Variants in TVP23C observed in about 807,000 individuals in gnomAD.
TVP23C encodes Golgi apparatus membrane protein TVP23 homolog C.
A neutral mutation model predicts 28.7 loss-of-function variants in TVP23C; 19 were observed. The ratio of observed to expected loss-of-function variants is 0.66; its 90% confidence interval spans 0.46 to 0.97. The LOEUF (loss-of-function observed/expected upper bound fraction) is 0.97. Ranked by LOEUF, TVP23C falls within the 50% of genes least tolerant of loss-of-function variation. The probability of loss-of-function intolerance (pLI) is 0.00; values close to 1 mark genes in which losing one functional copy is unlikely to be tolerated. For synonymous variants in TVP23C, 68 were observed against 81.7 expected, an observed-to-expected ratio of 0.83 and a Z score of 0.90; for missense variants, 186 against 241.3, an observed-to-expected ratio of 0.77 and a Z score of 1.52.
chr17:15,533,916 CA>C (rs1390251908), downstream of TVP23C, among the ~76,000 whole-genome samples: 2 of 152,178 alleles, frequency 1.3e-5, no homozygotes, highest in African/African-American at 2.4e-5. Flanking sequence ...AGCCAAGAGA[CA>C]AGAATGTTTG....
intron 5 of TVP23C, among the ~76,000 whole-genome samples, chr17:15,511,077 G>C (rs116403609): frequency 0.14 from 16,030 of 114,462 alleles, 1,069 homozygotes; most frequent in Middle Eastern, 0.24. Context: ...AAAAAAAAAA[G>C]ATAATGGAAG....
chr17:15,517,725 C>G (rs1982292069), intron 5 of TVP23C, among the ~76,000 whole-genome samples: 1 of 152,152 alleles, frequency 6.6e-6, no homozygotes, highest in African/African-American at 2.4e-5. Flanking sequence ...CCACCCTAAA[C>G]AGGAGGAAGC....
At chr17:15,503,673 GA>G (rs1981593436) in intron 5 of TVP23C, 1 of 153,470 alleles carries the variant, frequency 6.5e-6, no homozygotes, top group Non-Finnish European at 1.4e-5. Context: ...GCTAGCAGGA[GA>G]TTCTGTGCAA....
chr17:15,517,797 A>T (rs1982295725), intron 5 of TVP23C, among the ~76,000 whole-genome samples: 1 of 152,156 alleles, frequency 6.6e-6, no homozygotes. Context: ...GCAGAAACAG[A>T]AGGTGAGCTC....
intron 5 of TVP23C, among the ~76,000 whole-genome samples, chr17:15,523,430 C>T (rs981015674): frequency 3.1e-4 from 47 of 151,860 alleles, no homozygotes; most frequent in Non-Finnish European, 5.9e-5. Flanking sequence ...CCCGCCTCAG[C>T]CTCCCAAGTA....
At chr17:15,504,859 T>C (rs1981653094) in intron 5 of TVP23C, among the ~76,000 whole-genome samples, 1 of 152,118 alleles carries the variant, frequency 6.6e-6, no homozygotes, top group African/African-American at 2.4e-5. Flanking sequence ...ATAAGGTGAT[T>C]TCTGGTGCAT....
intron 5 of TVP23C, among the ~76,000 whole-genome samples, chr17:15,517,004 G>A (rs757019326): frequency 2.6e-5 from 4 of 152,188 alleles, no homozygotes; most frequent in Admixed American, 1.3e-4. Context: ...TTCAAGTGGT[G>A]AGCAAGCCCC....
In TVP23C at chr17:15,547,488, C is replaced by A. The variant is rs185521213; in HGVS notation, c.241-340G>T. Among the ~76,000 whole-genome samples, 9 of 152,304 alleles carry A rather than the reference C, an allele frequency of 5.9e-5. 1 individual carries two copies. The highest frequency in any genetic ancestry group is 2.2e-4 in the African/African-American group (9 of 41,568). On this transcript the variant is annotated intron_variant, in intron 3 of 5. Transcript: ENST00000518321. ...TACTGTGACCTACTTTACATCCTGA[C>A]TATAGCTACATATATTTTACAACTA...
chr17:15,540,359 C>A lies in TVP23C; in HGVS notation c.*53G>T, dbSNP rs1460595950. ...TGCCTTTAAAACTTCTGTTCAGGAG[C>A]GTTTCATAAAAATTAAACTATGAAA... is the stretch of plus-strand genomic sequence containing the variant. On this transcript the variant is annotated 3_prime_UTR_variant, in exon 6 of 6. Coordinates refer to ENST00000518321, the MANE Select transcript of TVP23C (RefSeq NM_001135036.2). 82 of 1,478,568 alleles carry A rather than the reference C, an allele frequency of 5.5e-5. No homozygotes were observed. The highest frequency in any genetic ancestry group is 7.3e-5 in the Non-Finnish European group (80 of 1,098,680). The allele number at this position is 1,478,568 out of a possible 1,614,324, so 91.6% of individuals were successfully genotyped here. A position where few individuals can be genotyped will look rare whatever the true frequency, so the allele number is the denominator to read the frequency against.
chr17:15,502,882 C>T, exon 6 of TVP23C: 1 of 1,590,430 alleles, frequency 6.3e-7, no homozygotes, highest in Non-Finnish European at 8.6e-7. Context: ...TTCCGGATGC[C>T]AGATGAAATT....
chr17:15,563,126 G>A, intron 1 of TVP23C: 3 of 438,324 alleles, frequency 6.8e-6, no homozygotes, highest in Non-Finnish European at 1.2e-5. Context: ...CCCGCAGGCC[G>A]CTCCTCCTCA....
At chr17:15,503,157 T>C in exon 6 of TVP23C, 1 of 1,598,620 alleles carries the variant, frequency 6.3e-7, no homozygotes, top group Non-Finnish European at 8.5e-7. Flanking sequence ...ATCCCAGCGC[T>C]TTGGAAGGCG....
At chr17:15,502,719 CCT>C (rs538023468) in exon 6 of TVP23C, 465 of 1,152,374 alleles carry the variant, frequency 4.0e-4, no homozygotes, top group Middle Eastern at 1.2e-3. Flanking sequence ...TTCTCTCTCT[CCT>C]CTCTCTCTCT....
At chr17:15,527,081 CGA>C (rs1982761209) in intron 5 of TVP23C, among the ~76,000 whole-genome samples, 1 of 152,102 alleles carries the variant, frequency 6.6e-6, no homozygotes, top group Non-Finnish European at 1.5e-5. Flanking sequence ...AAATCAGGAG[CGA>C]GAGGGAGATA....
chr17:15,560,881 A>G (rs1409644434), intron 1 of TVP23C, among the ~76,000 whole-genome samples: 1 of 150,300 alleles, frequency 6.7e-6, no homozygotes, highest in African/African-American at 2.4e-5. Context: ...GGTAAGAGAA[A>G]TTAAAACACG....
intron 5 of TVP23C, among the ~76,000 whole-genome samples, chr17:15,543,903 T>C (rs1225405253): frequency 6.6e-6 from 1 of 151,850 alleles, no homozygotes; most frequent in Non-Finnish European, 1.5e-5. Context: ...ACGTAACTGG[T>C]ACTTCAAAAT....
At chr17:15,531,036 CT>C (rs1449796026) in intron 5 of TVP23C, 2 of 152,234 alleles carry the variant, frequency 1.3e-5, no homozygotes, top group Non-Finnish European at 2.9e-5. Flanking sequence ...AGCCACCATG[CT>C]CATCCTTTCT....
At chr17:15,555,038 G>A (rs1254312791) in intron 2 of TVP23C, among the ~76,000 whole-genome samples, 5 of 152,156 alleles carry the variant, frequency 3.3e-5, no homozygotes, top group Admixed American at 2.6e-4. Flanking sequence ...AAATAGCACA[G>A]AATTAAAAAC....
intron 1 of TVP23C, among the ~76,000 whole-genome samples, chr17:15,560,366 A>C (rs1984325758): frequency 1.3e-5 from 2 of 148,798 alleles, no homozygotes; most frequent in Non-Finnish European, 3.0e-5. Context: ...CCCAGCCATG[A>C]CCACTGTATT....
Sources: gnomAD v4.1 joint callset for allele counts (sites outside exome capture counted in the v4.1 genomes callset) on GRCh38, gnomAD v4.1.1 for gene constraint, MANE v1.5 for transcripts, NCBI Gene and HGNC (gene_info 2026-07-23, HGNC 2026-07-21) for gene names.